The following NBEA variants were observed in gnomAD, a reference collection of about 807,000 sequenced individuals.
NBEA encodes the protein lysosomal-trafficking regulator 2.
In NBEA, 44 loss-of-function variants were observed where a neutral mutation model predicts 343.4. The observed-to-expected ratio is 0.13, with a 90% CI of 0.10 to 0.16. The LOEUF (loss-of-function observed/expected upper bound fraction) is 0.16, where lower values mean the gene tolerates loss of function less well. NBEA is among the 10% of genes least tolerant of loss of function. NBEA has a pLI of 1.00. For missense variants in NBEA, 2,555 were observed against 3,631.3 expected, an observed-to-expected ratio of 0.70 and a Z score of 7.62; for synonymous variants, 1,175 against 1,238.7, an observed-to-expected ratio of 0.95 and a Z score of 1.08.
intron 46 of NBEA, among the ~76,000 whole-genome samples, chr13:35,588,179 A>T (rs1296575207): frequency 8.5e-5 from 13 of 152,132 alleles, no homozygotes; most frequent in Admixed American, 8.5e-4. Context: ...CTCAATAGTG[A>T]CATGTGGCTA....
intron 1 of NBEA, 141 bp from the exon 2 acceptor site, chr13:35,040,792 T>C (rs1177431866): frequency 7.5e-6 from 5 of 669,108 alleles, no homozygotes; most frequent in East Asian, 2.7e-5. Context: ...GTAGCTCTTA[T>C]ACTTTTGATC....
At chr13:35,317,563 G>T (rs1159858658) in intron 36 of NBEA, among the ~76,000 whole-genome samples, 1 of 152,102 alleles carries the variant, frequency 6.6e-6, no homozygotes. Flanking sequence ...TGTTCTTTTT[G>T]CTTAGGATTG....
At chr13:35,285,779 C>T (rs182709191) in intron 34 of NBEA, among the ~76,000 whole-genome samples, 3 of 152,212 alleles carry the variant, frequency 2.0e-5, no homozygotes, top group East Asian at 3.9e-4. Flanking sequence ...ATTCTGTCTG[C>T]GCCCTGCTTA....
chr13:35,402,846 A>C (rs2043060733), intron 38 of NBEA, among the ~76,000 whole-genome samples: 1 of 152,104 alleles, frequency 6.6e-6, no homozygotes, highest in African/African-American at 2.4e-5. Flanking sequence ...CTAAATTGTC[A>C]CCATGTTCTT....
Position 35,058,955 on chromosome 13 carries a change from T to C in NBEA, c.1239+92T>C, listed in dbSNP as rs1432489111. On this transcript the variant is annotated intron_variant, in intron 8 of 58. Transcript: ENST00000379939. ...TTTTTAGTGAAAATCTTTAATACGG[T>C]TTAAGAGTCATTTCTATTTTTTGGA... The C allele has an allele frequency of 5.6e-6, 6 of 1,065,918 alleles. No individual in the cohort carries two copies. In the African/African-American group the frequency reaches 1.0e-4, roughly 18 times the overall value. The allele number at this position is 1,065,918 out of a possible 1,614,324, so 66.0% of individuals were successfully genotyped here.
At chr13:35,208,888 T>C in intron 32 of NBEA, 34 bp downstream of exon 32, 8 of 1,400,856 alleles carry the variant, frequency 5.7e-6, no homozygotes, top group Non-Finnish European at 6.7e-6. Flanking sequence ...GATACTCATC[T>C]TTTTATGTTT....
chr13:35,480,748 C>T (rs529039834), intron 41 of NBEA, among the ~76,000 whole-genome samples: 1 of 151,726 alleles, frequency 6.6e-6, no homozygotes, highest in East Asian at 1.9e-4. Flanking sequence ...TTTTTTTACA[C>T]TAGAGAAATT....
chr13:35,065,228 C>T (rs2063608659), intron 8 of NBEA, among the ~76,000 whole-genome samples: 1 of 151,838 alleles, frequency 6.6e-6, no homozygotes, highest in Non-Finnish European at 1.5e-5. Context: ...AGCCATTTTG[C>T]CTGGCTATAA....
chr13:35,422,769 G>T (rs1428716067), intron 38 of NBEA, among the ~76,000 whole-genome samples: 1 of 152,200 alleles, frequency 6.6e-6, no homozygotes, highest in African/African-American at 2.4e-5. Context: ...CCACCAACGT[G>T]TAAAAGTGTT....
intron 58 of NBEA, among the ~76,000 whole-genome samples, chr13:35,669,594 A>T (rs1255552965): frequency 6.6e-6 from 1 of 152,224 alleles, no homozygotes; most frequent in East Asian, 1.9e-4. Flanking sequence ...CATACTTAGG[A>T]ATAAATGGGA....
chr13:35,404,519 C>T (rs964436045), intron 38 of NBEA, among the ~76,000 whole-genome samples: 212 of 148,350 alleles, frequency 1.4e-3, no homozygotes, highest in Admixed American at 3.6e-3. Context: ...AACCAAACAC[C>T]GCATATTCTT....
At chr13:35,064,844 C>T (rs747066286) in intron 8 of NBEA, among the ~76,000 whole-genome samples, 1 of 151,538 alleles carries the variant, frequency 6.6e-6, no homozygotes, top group Non-Finnish European at 1.5e-5. Context: ...AGAGAGTCTC[C>T]AGAAGAAAAC....
chr13:35,113,586 C>CTATCT (rs1555307444), intron 13 of NBEA, among the ~76,000 whole-genome samples: 3 of 146,694 alleles, frequency 2.0e-5, no homozygotes, highest in Admixed American at 6.8e-5. Context: ...CTCCTCCACT[C>CTATCT]ATCTATCTAT....
chr13:35,182,638 T>C (rs2071395633), intron 29 of NBEA, 110 bp downstream of exon 29: 7 of 1,018,164 alleles, frequency 6.9e-6, no homozygotes, highest in African/African-American at 1.7e-5. Flanking sequence ...CAAATATTTA[T>C]GAATGGTTGG....
chr13:35,178,593 A>G (rs2071081033), intron 28 of NBEA, among the ~76,000 whole-genome samples: 1 of 151,748 alleles, frequency 6.6e-6, no homozygotes, highest in South Asian at 2.1e-4. Context: ...TTTTAAAAAA[A>G]GACTGAAAAA....
chr13:35,336,680 A>T (rs1458261717), intron 36 of NBEA, among the ~76,000 whole-genome samples: 1 of 152,120 alleles, frequency 6.6e-6, no homozygotes, highest in Non-Finnish European at 1.5e-5. Flanking sequence ...ACACTGTATT[A>T]TGAAGCCTTA....
intron 1 of NBEA, among the ~76,000 whole-genome samples, chr13:35,030,246 ATCT>A (rs1167940993): frequency 2.0e-5 from 3 of 151,582 alleles, no homozygotes; most frequent in Non-Finnish European, 3.0e-5. Context: ...AACCTTCAAA[ATCT>A]TCTTTCTTGC....
intron 48 of NBEA, among the ~76,000 whole-genome samples, chr13:35,612,401 G>A (rs1190430429): frequency 6.6e-6 from 1 of 152,028 alleles, no homozygotes; most frequent in Admixed American, 6.5e-5. Flanking sequence ...CAAAGTGCTG[G>A]GATTACAGGC....
At chr13:34,992,907 T>A (rs2060813590) in intron 1 of NBEA, among the ~76,000 whole-genome samples, 2 of 150,998 alleles carry the variant, frequency 1.3e-5, no homozygotes, top group South Asian at 4.2e-4. Context: ...ATGGTCTCGG[T>A]CTCTTGACCT....
Sources: allele counts gnomAD v4.1 joint callset (sites outside exome capture counted in the v4.1 genomes callset), GRCh38; gene constraint gnomAD v4.1.1; transcripts MANE v1.5; gene names NCBI Gene and HGNC (gene_info 2026-07-23, HGNC 2026-07-21).